HIPK3: variants seen among roughly 807,000 people sequenced by gnomAD.
The protein encoded by HIPK3 is homeodomain-interacting protein kinase 3.
In HIPK3, 47 loss-of-function variants were observed where a neutral mutation model predicts 124.2. That is an observed-to-expected ratio of 0.38 (90% CI 0.30 to 0.48). The LOEUF is 0.48. HIPK3 is among the 20% of genes least tolerant of loss of function. The pLI, the probability that HIPK3 is intolerant of heterozygous loss-of-function variation, is 0.98. For synonymous variants in HIPK3, 482 were observed against 515.2 expected, an observed-to-expected ratio of 0.94 and a Z score of 0.87; for missense variants, 1,286 against 1,454.3, an observed-to-expected ratio of 0.88 and a Z score of 1.88.
intron 2 of HIPK3, among the ~76,000 whole-genome samples, chr11:33,317,786 A>AG (rs1852549408): frequency 6.6e-6 from 1 of 152,140 alleles, no homozygotes. Flanking sequence ...TTACAAGTAT[A>AG]GGGGTTTAAC....
intron 2 of HIPK3, among the ~76,000 whole-genome samples, chr11:33,317,272 C>CCAT (rs1381071306): frequency 1.6e-5 from 1 of 61,754 alleles, no homozygotes. Flanking sequence ...GTGCCTGGCC[C>CCAT]TATTTTTTTT....
chr11:33,261,100 G>GTA lies in HIPK3; in HGVS notation c.-3+3222_-3+3223dup, dbSNP rs1412257899. ...CGGTGTAAGTCTAAAGGGATTATATGTATATATATATACATAAAATATATA... is the reference window on the plus strand; with the variant it reads ...CGGTGTAAGTCTAAAGGGATTATATGTATATATATATATACATAAAATATATA... On this transcript the variant is annotated intron_variant, in intron 1 of 16. Coordinates refer to ENST00000303296, the MANE Select transcript of HIPK3 (RefSeq NM_005734.5). Among the ~76,000 whole-genome samples the GTA allele has an allele frequency of 2.4e-3, 333 of 139,864 alleles. 2 individuals carry two copies. Among genetic ancestry groups the GTA allele is most frequent in the African/African-American group, 4.9e-3 (188 of 38,096 alleles). 91.8% of individuals were successfully genotyped at this position (139,864 alleles called of 152,430 possible).
At chr11:33,283,965 G>A (rs1044900150) in intron 1 of HIPK3, among the ~76,000 whole-genome samples, 2 of 152,264 alleles carry the variant, frequency 1.3e-5, no homozygotes. Flanking sequence ...ATGAGCCACC[G>A]TGCCTGGCCA....
chr11:33,347,742 T>G lies in HIPK3; in HGVS notation c.2133T>G (p.Leu711=). 3 of 1,613,898 alleles carry G rather than the reference T, an allele frequency of 1.9e-6. No homozygotes were observed. The highest frequency in any genetic ancestry group is 2.5e-6 in the Non-Finnish European group (3 of 1,179,780). ...AGAGTGTGGCTGGTTCACACAGGCT[T>G]GGAGACTGGGGGTAAGCTGAAAACA... ...TSESVAGSHR[L]GDWGKMISCS... Residue 711 remains leucine (L), a synonymous_variant, in exon 10 of 17, where the codon CTT becomes CTG. Transcript: ENST00000303296.
At chr11:33,337,303 T>C in intron 4 of HIPK3, 109 bp downstream of exon 4, 1 of 564,494 alleles carries the variant, frequency 1.8e-6, no homozygotes, top group Non-Finnish European at 2.7e-6. Flanking sequence ...TTCTTCCTTT[T>C]TTTGAATTTT....
intron 3 of HIPK3, among the ~76,000 whole-genome samples, chr11:33,329,223 G>A (rs1852900150): frequency 6.6e-6 from 1 of 152,186 alleles, no homozygotes; most frequent in East Asian, 1.9e-4. Flanking sequence ...AGTGTTGTGT[G>A]CTAGTAGTCT....
At chr11:33,337,273 C>A in intron 4 of HIPK3, 79 bp downstream of exon 4, 1 of 691,456 alleles carries the variant, frequency 1.4e-6, no homozygotes, top group Non-Finnish European at 2.2e-6. Context: ...CCTTCCATGT[C>A]TATTTACATT....
chr11:33,304,254 A>G (rs557428014), intron 2 of HIPK3, among the ~76,000 whole-genome samples: 1 of 152,194 alleles, frequency 6.6e-6, no homozygotes, highest in Non-Finnish European at 1.5e-5. Flanking sequence ...AATATTTTTT[A>G]AATTAAAAAA....
upstream of HIPK3, chr11:33,257,235 G>C: frequency 9.1e-6 from 9 of 984,230 alleles, no homozygotes; most frequent in Non-Finnish European, 8.4e-6. Context: ...GCGGACCCCG[G>C]GGAGGGGCTT....
At chr11:33,339,302 C>G (rs376578336) in intron 5 of HIPK3, 48 bp from the exon 6 acceptor site, 15 of 1,449,148 alleles carry the variant, frequency 1.0e-5, no homozygotes, top group Non-Finnish European at 8.7e-6. Flanking sequence ...TTATACTACT[C>G]TCTGTGACTT....
chr11:33,288,665 T>G (rs1464588639), intron 2 of HIPK3, among the ~76,000 whole-genome samples: 1 of 152,162 alleles, frequency 6.6e-6, no homozygotes, highest in Non-Finnish European at 1.5e-5. Context: ...TGAAGTGCAA[T>G]AGATAGTATG....
chr11:33,268,734 A>G (rs1374502295), intron 1 of HIPK3, among the ~76,000 whole-genome samples: 1 of 152,128 alleles, frequency 6.6e-6, no homozygotes, highest in East Asian at 1.9e-4. Flanking sequence ...CTCTAAGCCT[A>G]GTGTGGCATT....
At chr11:33,309,051 C>A (rs546441578) in intron 2 of HIPK3, among the ~76,000 whole-genome samples, 1 of 152,084 alleles carries the variant, frequency 6.6e-6, no homozygotes, top group African/African-American at 2.4e-5. Context: ...AGGCTTTATT[C>A]GAGTGAGCAG....
At chr11:33,270,817 TAAG>T (rs1452906711) in intron 1 of HIPK3, among the ~76,000 whole-genome samples, 1 of 152,062 alleles carries the variant, frequency 6.6e-6, no homozygotes, top group Non-Finnish European at 1.5e-5. Context: ...AAAAATGTGA[TAAG>T]AAAAAGAATA....
intron 2 of HIPK3, among the ~76,000 whole-genome samples, chr11:33,324,980 A>G (rs569622392): frequency 4.6e-5 from 7 of 152,240 alleles, no homozygotes; most frequent in Non-Finnish European, 1.0e-4. Flanking sequence ...GTGAACTTGT[A>G]TAAAACTCCC....
In HIPK3 at chr11:33,347,841, CT is replaced by C. The variant is rs765999666; in HGVS notation, c.2145-9del. ...TCTTGATTAAAAACATTGTTCTGAA[CT>C]TCTCCCTAGGAAGATGATTTCATGC... On this transcript the variant is annotated splice_polypyrimidine_tract_variant and intron_variant, in intron 10 of 16. Coordinates refer to ENST00000303296, the MANE Select transcript of HIPK3 (RefSeq NM_005734.5). 2.1e-5 allele frequency: 34 copies of C among 1,613,908 alleles called. No homozygotes were observed. In the African/African-American group the frequency reaches 4.5e-4, roughly 22 times the overall value.
At chr11:33,329,002 C>T (rs1852893364) in intron 3 of HIPK3, among the ~76,000 whole-genome samples, 1 of 152,162 alleles carries the variant, frequency 6.6e-6, no homozygotes, top group Admixed American at 6.6e-5. Context: ...GGCGTTATAA[C>T]TTTTGGTCTT....
rs1313920264 is a variant in HIPK3 at position 33,354,667 on chromosome 11, T to C, written c.*1099T>C. On this transcript the variant is annotated 3_prime_UTR_variant, in exon 17 of 17. Transcript: ENST00000303296. Reference sequence around the variant, plus strand: ...GAAGCTTGAAAAGATGTGAGTTCTTTGTGTGCAATTTTTGATTTATGCATG... The same window carrying C: ...GAAGCTTGAAAAGATGTGAGTTCTTCGTGTGCAATTTTTGATTTATGCATG... The C allele has an allele frequency of 2.0e-5, 3 of 152,074 alleles. No individual in the cohort carries two copies. The highest frequency in any genetic ancestry group is 6.6e-5 in the Admixed American group (1 of 15,194). The allele number at this position is 152,074 out of a possible 1,614,324, so 9.4% of individuals were successfully genotyped here.
At chr11:33,328,691 T>TA in intron 3 of HIPK3, 58 bp downstream of exon 3, 1 of 1,516,612 alleles carries the variant, frequency 6.6e-7, no homozygotes, top group Non-Finnish European at 9.1e-7. Flanking sequence ...ATAACAGACT[T>TA]ACAGGAACAC....
Sources: gnomAD v4.1 joint callset for allele counts (sites outside exome capture counted in the v4.1 genomes callset) on GRCh38, gnomAD v4.1.1 for gene constraint, MANE v1.5 for transcripts, NCBI Gene and HGNC (gene_info 2026-07-23, HGNC 2026-07-21) for gene names.